Variants in ASTN2 observed in about 807,000 individuals in gnomAD.
ASTN2 encodes astrotactin-2.
Under a neutral mutation model 139.8 loss-of-function variants are expected in ASTN2, and 54 were observed. That is an observed-to-expected ratio of 0.39 (90% CI 0.31 to 0.48). The LOEUF (loss-of-function observed/expected upper bound fraction) is 0.48, where lower values mean the gene tolerates loss of function less well. Among genes scored for constraint, ASTN2 ranks in the 20% least tolerant of loss-of-function variants. The probability of loss-of-function intolerance (pLI) is 0.95; values close to 1 mark genes in which losing one functional copy is unlikely to be tolerated. For synonymous variants in ASTN2, 756 were observed against 719.5 expected (o/e 1.05, Z -0.81); for missense variants, 1,565 against 1,725.1 (o/e 0.91, Z 1.64).
chr9:116,816,225 C>T (rs144784734), intron 12 of ASTN2, among the ~76,000 whole-genome samples: 53 of 152,300 alleles, frequency 3.5e-4, no homozygotes, highest in Middle Eastern at 3.4e-3. Context: ...AACACATACA[C>T]ACACACAAAA....
chr9:116,928,199 C>T (rs1834809096), intron 10 of ASTN2, among the ~76,000 whole-genome samples: 1 of 152,252 alleles, frequency 6.6e-6, no homozygotes, highest in East Asian at 1.9e-4. Context: ...ATAACAGCCC[C>T]CAGGGTAGGT....
At chr9:116,860,367 T>C (rs2132335800) in intron 11 of ASTN2, among the ~76,000 whole-genome samples, 1 of 152,370 alleles carries the variant, frequency 6.6e-6, no homozygotes, top group East Asian at 1.9e-4. Flanking sequence ...TAATGTGGTC[T>C]CCTTATCTCA....
chr9:117,003,515 C>T, intron 7 of ASTN2, among the ~76,000 whole-genome samples: 1 of 20,974 alleles, frequency 4.8e-5, no homozygotes, highest in East Asian at 1.6e-3. Context: ...AGTGATATTT[C>T]CAGCTCTAAA....
At chr9:116,553,779 T>G (rs541818929) in intron 19 of ASTN2, among the ~76,000 whole-genome samples, 80 of 152,298 alleles carry the variant, frequency 5.3e-4, no homozygotes, top group African/African-American at 1.7e-3. Flanking sequence ...CTTTTCCCTC[T>G]CTTAGACAGT....
At chr9:116,976,032 G>T in intron 9 of ASTN2, 82 bp downstream of exon 9, 1 of 1,361,256 alleles carries the variant, frequency 7.3e-7, no homozygotes, top group African/African-American at 1.4e-5. Flanking sequence ...AGGCTCAATA[G>T]TCTAAGGATC....
chr9:117,410,751 T>C (rs192517991), intron 1 of ASTN2, among the ~76,000 whole-genome samples: 122 of 152,298 alleles, frequency 8.0e-4, no homozygotes, highest in African/African-American at 2.7e-3. Context: ...TCTACAGAGA[T>C]GCCTTCCTTC....
chr9:117,036,272 G>A (rs1212677779), intron 6 of ASTN2, among the ~76,000 whole-genome samples: 12 of 152,180 alleles, frequency 7.9e-5, no homozygotes, highest in Non-Finnish European at 1.6e-4. Context: ...TATGCCTGGA[G>A]ACTAAGATAC....
chr9:117,383,314 A>C (rs1199413049), intron 1 of ASTN2, among the ~76,000 whole-genome samples: 1 of 152,224 alleles, frequency 6.6e-6, no homozygotes, highest in Non-Finnish European at 1.5e-5. Context: ...TCAAAAATAG[A>C]CAAAATTAAT....
At chr9:117,217,675 G>A (rs1004174233) in intron 2 of ASTN2, among the ~76,000 whole-genome samples, 4 of 152,154 alleles carry the variant, frequency 2.6e-5, no homozygotes, top group African/African-American at 9.7e-5. Flanking sequence ...CCACCTCATT[G>A]GGTCATGAAG....
At chr9:116,980,063 G>A (rs1293153683) in intron 7 of ASTN2, among the ~76,000 whole-genome samples, 1 of 152,162 alleles carries the variant, frequency 6.6e-6, no homozygotes, top group Non-Finnish European at 1.5e-5. Context: ...GAGGCTTCCT[G>A]GAGAACGGAA....
intron 16 of ASTN2, among the ~76,000 whole-genome samples, chr9:116,713,388 C>T (rs1285694746): frequency 1.3e-5 from 2 of 152,108 alleles, no homozygotes; most frequent in African/African-American, 2.4e-5. Flanking sequence ...CAACTAAGGC[C>T]AGCTCCTACC....
intron 1 of ASTN2, among the ~76,000 whole-genome samples, chr9:117,407,188 G>C (rs1831019583): frequency 6.6e-6 from 1 of 152,202 alleles, no homozygotes; most frequent in African/African-American, 2.4e-5. Flanking sequence ...TGCCAAATAA[G>C]AAGGAAGGGT....
chr9:116,758,617 G>T (rs972727256), intron 13 of ASTN2, among the ~76,000 whole-genome samples: 1 of 152,224 alleles, frequency 6.6e-6, no homozygotes, highest in African/African-American at 2.4e-5. Context: ...TCCCTGTTCT[G>T]CAAGCCAAGC....
chr9:117,220,950 T>C (rs2078260557), intron 2 of ASTN2, among the ~76,000 whole-genome samples: 1 of 152,194 alleles, frequency 6.6e-6, no homozygotes, highest in Non-Finnish European at 1.5e-5. Context: ...GCTGTTGTTA[T>C]CCAATCATCT....
At chr9:117,058,239 G>C (rs2132679801) in intron 5 of ASTN2, among the ~76,000 whole-genome samples, 1 of 152,216 alleles carries the variant, frequency 6.6e-6, no homozygotes, top group Non-Finnish European at 1.5e-5. Context: ...TTCCTTATTT[G>C]AGAAAAAGGG....
At chr9:117,207,978 T>G (rs1831993240) in intron 3 of ASTN2, among the ~76,000 whole-genome samples, 1 of 152,126 alleles carries the variant, frequency 6.6e-6, no homozygotes, top group African/African-American at 2.4e-5. Context: ...CACACCAAAC[T>G]AACACCTCAA....
chr9:116,492,456 T>G (rs1266490218), intron 19 of ASTN2, among the ~76,000 whole-genome samples: 1 of 152,094 alleles, frequency 6.6e-6, no homozygotes, highest in Non-Finnish European at 1.5e-5. Flanking sequence ...CATCCAAGCT[T>G]CTCTTTTTAC....
intron 4 of ASTN2, among the ~76,000 whole-genome samples, chr9:117,117,540 T>C (rs1829428827): frequency 6.6e-6 from 1 of 152,130 alleles, no homozygotes. Flanking sequence ...TTTCTCTCCC[T>C]GAGCTCCTGA....
chr9:117,046,091 C>T (rs1838735053), intron 5 of ASTN2, among the ~76,000 whole-genome samples: 2 of 152,070 alleles, frequency 1.3e-5, no homozygotes, highest in Non-Finnish European at 2.9e-5. Context: ...ACCTCTGCCT[C>T]CCAGGTTCAA....
Sources: allele counts gnomAD v4.1 joint callset (sites outside exome capture counted in the v4.1 genomes callset), GRCh38; gene constraint gnomAD v4.1.1; transcripts MANE v1.5; gene names NCBI Gene and HGNC (gene_info 2026-07-23, HGNC 2026-07-21).